The following NOX3 variants were observed in gnomAD, a reference collection of about 807,000 sequenced individuals.
NOX3 encodes the protein NADPH oxidase catalytic subunit-like 3.
Under a neutral mutation model 76.7 loss-of-function variants are expected in NOX3, and 74 were observed. The observed-to-expected ratio is 0.96, with a 90% confidence interval of 0.80 to 1.17. The LOEUF (loss-of-function observed/expected upper bound fraction) is 1.17. Among genes scored for constraint, NOX3 ranks in the 50% most tolerant of loss-of-function variants. NOX3 has a pLI of 0.00. For missense variants in NOX3, 695 were observed against 703.3 expected (o/e 0.99, Z 0.13); for synonymous variants, 263 against 261.1 (o/e 1.01, Z -0.07).
At chr6:155,419,364 G>A (rs1416909008) in intron 10 of NOX3, among the ~76,000 whole-genome samples, 1 of 152,172 alleles carries the variant, frequency 6.6e-6, no homozygotes, top group Non-Finnish European at 1.5e-5. Context: ...AGAAACACAT[G>A]CTCAGGTCCT....
chr6:155,422,033 C>G (rs1261439101), intron 10 of NOX3, among the ~76,000 whole-genome samples: 1 of 152,226 alleles, frequency 6.6e-6, no homozygotes, highest in Non-Finnish European at 1.5e-5. Context: ...CAGCACCAAG[C>G]TCGTCTGCCA....
intron 5 of NOX3, among the ~76,000 whole-genome samples, chr6:155,440,893 G>A (rs1471935653): frequency 6.6e-6 from 1 of 152,114 alleles, no homozygotes; most frequent in Non-Finnish European, 1.5e-5. Flanking sequence ...TAAAGCAGCT[G>A]CACACTCAGT....
chr6:155,416,273 T>C (rs577104765), intron 10 of NOX3, among the ~76,000 whole-genome samples: 8 of 152,324 alleles, frequency 5.3e-5, no homozygotes, highest in African/African-American at 1.9e-4. Context: ...AAGCTCTGCA[T>C]AGAGGGGAAT....
intron 4 of NOX3, among the ~76,000 whole-genome samples, chr6:155,450,350 C>T (rs532844090): frequency 6.6e-6 from 1 of 152,350 alleles, no homozygotes; most frequent in African/African-American, 2.4e-5. Context: ...TCCCTCCCCA[C>T]ACTCTGTTCA....
intron 1 of NOX3, 86 bp from the exon 2 acceptor site, chr6:155,455,215 T>C: frequency 2.5e-6 from 2 of 790,216 alleles, no homozygotes; most frequent in South Asian, 3.4e-5. Context: ...TCTTTTAAAG[T>C]GGAATGAAGA....
chr6:155,426,649 G>A (rs963820981), intron 9 of NOX3, among the ~76,000 whole-genome samples: 2 of 152,156 alleles, frequency 1.3e-5, no homozygotes, highest in South Asian at 2.1e-4. Flanking sequence ...CATTCTCAGT[G>A]TGTGTGAACA....
chr6:155,450,658 G>C (rs939780775), intron 4 of NOX3, among the ~76,000 whole-genome samples: 15 of 152,136 alleles, frequency 9.9e-5, no homozygotes, highest in African/African-American at 3.4e-4. Flanking sequence ...TGAGTCCTGG[G>C]CATGGCCATA....
chr6:155,427,481 C>T (rs914790557), intron 9 of NOX3, among the ~76,000 whole-genome samples: 1 of 152,152 alleles, frequency 6.6e-6, no homozygotes, highest in Non-Finnish European at 1.5e-5. Flanking sequence ...CAAATCTTTC[C>T]TCTGTACGCA....
At chr6:155,413,627 C>G (rs1188266563) in intron 10 of NOX3, among the ~76,000 whole-genome samples, 1 of 152,124 alleles carries the variant, frequency 6.6e-6, no homozygotes, top group Non-Finnish European at 1.5e-5. Context: ...ATCTAAATTA[C>G]TCTTTGAAAA....
In NOX3 at chr6:155,451,282, A is replaced by G. The variant is rs9478653; in HGVS notation, c.340+2122T>C. ...GCGTGAGCCACCACGCCCGGCCTGTATTAGTATTCTTTTAACTCCACAGAA... is the reference window on the plus strand; with the variant it reads ...GCGTGAGCCACCACGCCCGGCCTGTGTTAGTATTCTTTTAACTCCACAGAA... On this transcript the variant is annotated intron_variant, in intron 4 of 13. Transcript: ENST00000159060. Among the ~76,000 whole-genome samples, 365 of 151,952 alleles carry G rather than the reference A, an allele frequency of 2.4e-3. 1 individual carries two copies. The highest frequency in any genetic ancestry group is 6.2e-3 in the African/African-American group (256 of 41,452).
At chr6:155,445,874 A>ATATATATATGCTATATATATATAT (rs1562471972) in intron 4 of NOX3, among the ~76,000 whole-genome samples, 1 of 120,496 alleles carries the variant, frequency 8.3e-6, no homozygotes, top group Non-Finnish European at 1.7e-5. Context: ...ATATACATAT[A>ATATATATATGCTATATATATATAT]TATATATATA....
chr6:155,423,500 A>G (rs944195178), intron 9 of NOX3, among the ~76,000 whole-genome samples: 6 of 151,996 alleles, frequency 3.9e-5, no homozygotes, highest in African/African-American at 1.4e-4. Context: ...TGCTTAGCAA[A>G]TTTTTCTTAA....
rs539890943 is a variant in NOX3 at position 155,403,952 on chromosome 6, A to C, written c.1580+3178T>G. On this transcript the variant is annotated intron_variant, in intron 12 of 13. Coordinates refer to ENST00000159060, the MANE Select transcript of NOX3 (RefSeq NM_015718.3). ...TAAATAAATAAATAATAAACAAACA[A>C]ACACCATATGAGATGTCAAAAAGGG... is the stretch of plus-strand genomic sequence containing the variant. Among the ~76,000 whole-genome samples the C allele has an allele frequency of 6.4e-4, 97 of 152,202 alleles. No homozygotes were observed. In the Middle Eastern group the frequency reaches 0.014, roughly 21 times the overall value.
Position 155,436,469 on chromosome 6 carries a change from C to G in NOX3, c.747G>C (p.Trp249Cys). Residue 249 changes from tryptophan (W) to cysteine (C), a missense_variant, in exon 7 of 14, where the codon TGG becomes TGC. Transcript: ENST00000159060. ...ITFCRDRYAE[W>C]QTVAQCPVPQ... ...GCACGGGGCATTGGGCCACTGTCTGCCATTCTGCATAGCGGTCTCTACAGA... is the reference window on the plus strand; with the variant it reads ...GCACGGGGCATTGGGCCACTGTCTGGCATTCTGCATAGCGGTCTCTACAGA... The G allele has an allele frequency of 6.2e-7, 1 of 1,614,086 alleles. No individual in the cohort carries two copies. The highest frequency in any genetic ancestry group is 8.5e-7 in the Non-Finnish European group (1 of 1,179,982).
chr6:155,402,475 A>G (rs1226722271), intron 12 of NOX3, among the ~76,000 whole-genome samples: 2 of 152,222 alleles, frequency 1.3e-5, no homozygotes, highest in African/African-American at 4.8e-5. Context: ...AAACAATAGA[A>G]CACACTTTTC....
rs1200413291 is a variant in NOX3 at position 155,427,026 on chromosome 6, T to TGCGC, written c.1145+1767_1145+1768insGCGC. ...GTGTGTGTGTGTGTGTGTGTGTGTG[T>TGCGC]GTGCTGGGGGGGTTGGTGAGGGTGG... On this transcript the variant is annotated intron_variant, in intron 9 of 13. Coordinates refer to ENST00000159060, the MANE Select transcript of NOX3 (RefSeq NM_015718.3). 3.1e-5 allele frequency among the ~76,000 whole-genome samples: 4 copies of TGCGC among 127,560 alleles called. 1 individual carries two copies. The highest frequency in any genetic ancestry group is 9.1e-5 in the African/African-American group (3 of 32,802). The allele number at this position is 127,560 out of a possible 152,430, so 83.7% of individuals were successfully genotyped here.
chr6:155,443,810 A>G (rs958482594), intron 4 of NOX3, among the ~76,000 whole-genome samples: 2 of 151,940 alleles, frequency 1.3e-5, no homozygotes, highest in Non-Finnish European at 2.9e-5. Context: ...TACATTATAC[A>G]TGCTGATATG....
chr6:155,429,203 C>T (rs1776800074), intron 8 of NOX3, among the ~76,000 whole-genome samples, 156 bp from the exon 9 acceptor site: 1 of 152,228 alleles, frequency 6.6e-6, no homozygotes, highest in Non-Finnish European at 1.5e-5. Flanking sequence ...TGTGCCATCG[C>T]TTTCACATCT....
chr6:155,440,640 C>G (rs891065412), intron 5 of NOX3, among the ~76,000 whole-genome samples: 9 of 138,780 alleles, frequency 6.5e-5, no homozygotes, highest in African/African-American at 2.4e-4. Context: ...GACCCTGTGT[C>G]TAAAACAACA....
Sources: gnomAD v4.1 joint callset for allele counts (sites outside exome capture counted in the v4.1 genomes callset) on GRCh38, gnomAD v4.1.1 for gene constraint, MANE v1.5 for transcripts, NCBI Gene and HGNC (gene_info 2026-07-23, HGNC 2026-07-21) for gene names.